The following CDH18 variants were observed in gnomAD, a reference collection of about 807,000 sequenced individuals.
CDH18 encodes cadherin 18, also known as cadherin-18.
CDH18 carries 31 observed loss-of-function variants against 67.9 expected under a neutral mutation model. The observed-to-expected ratio is 0.46, with a 90% CI of 0.34 to 0.62. The LOEUF is 0.62. Among genes scored for constraint, CDH18 ranks in the 20% least tolerant of loss-of-function variants. The pLI, the probability that CDH18 is intolerant of heterozygous loss-of-function variation, is 0.01. For synonymous variants in CDH18, 362 were observed against 347.2 expected (o/e 1.04, Z -0.48); for missense variants, 890 against 975.5 (o/e 0.91, Z 1.17).
chr5:19,902,006 A>AT (rs1354625619), intron 2 of CDH18, among the ~76,000 whole-genome samples: 1 of 152,066 alleles, frequency 6.6e-6, no homozygotes, highest in African/African-American at 2.4e-5. Context: ...TAACTCTACC[A>AT]TTTTTTCTTG....
At chr5:19,832,250 C>G (rs916088161) in intron 3 of CDH18, among the ~76,000 whole-genome samples, 3 of 151,870 alleles carry the variant, frequency 2.0e-5, no homozygotes, top group Non-Finnish European at 2.9e-5. Flanking sequence ...CCCTTTGAAT[C>G]TAAAATAAAG....
intron 4 of CDH18, among the ~76,000 whole-genome samples, chr5:19,722,294 T>A (rs1339142499): frequency 6.6e-6 from 1 of 151,880 alleles, no homozygotes; most frequent in Non-Finnish European, 1.5e-5. Context: ...TCTCTGGTGA[T>A]CCGCCCCGCT....
intron 2 of CDH18, among the ~76,000 whole-genome samples, chr5:20,146,617 TA>T (rs11327817): frequency 0.85 from 123,391 of 145,744 alleles, 53,402 homozygotes; most frequent in Non-Finnish European, 0.94. Context: ...ACTAATTTTG[TA>T]AAAAAAAAAA....
At chr5:20,345,730 CATACTT>C (rs1362578680) in intron 1 of CDH18, among the ~76,000 whole-genome samples, 9 of 152,202 alleles carry the variant, frequency 5.9e-5, no homozygotes, top group African/African-American at 2.2e-4. Context: ...AAATCCACCT[CATACTT>C]ATACAAGTTG....
chr5:19,794,916 T>G lies in CDH18; in HGVS notation c.228+43843A>C, dbSNP rs562921674. 7.2e-5 allele frequency among the ~76,000 whole-genome samples: 11 copies of G among 152,162 alleles called. No homozygotes were observed. The South Asian group carries it at 2.3e-3, about 32-fold the overall frequency. The stretch of plus-strand genomic sequence containing the variant: ...AAATGTAAGTGATTTCTGAAAGGTA[T>G]GAAAAAGGCATGCTTGTTTGCAGCC... On this transcript the variant is annotated intron_variant, in intron 3 of 12. Coordinates refer to ENST00000382275, the MANE Select transcript of CDH18 (RefSeq NM_004934.5).
intron 2 of CDH18, among the ~76,000 whole-genome samples, chr5:19,907,214 T>A (rs1207852977): frequency 6.6e-6 from 1 of 151,956 alleles, no homozygotes; most frequent in Non-Finnish European, 1.5e-5. Flanking sequence ...ATGCTGTCTA[T>A]CAAACCCGTG....
At chr5:20,175,513 A>C (rs1737163837) in intron 2 of CDH18, among the ~76,000 whole-genome samples, 3 of 151,976 alleles carry the variant, frequency 2.0e-5, no homozygotes, top group Non-Finnish European at 4.4e-5. Flanking sequence ...GGTTTGCCAA[A>C]GTTTGAAGAT....
intron 5 of CDH18, among the ~76,000 whole-genome samples, chr5:19,688,916 C>T (rs1428885998): frequency 6.6e-6 from 1 of 151,824 alleles, no homozygotes; most frequent in Admixed American, 6.6e-5. Context: ...TTAAGAGCTT[C>T]AACAATAGAC....
chr5:20,165,973 TTAAA>T (rs1736250714), intron 2 of CDH18, among the ~76,000 whole-genome samples: 2 of 152,288 alleles, frequency 1.3e-5, no homozygotes. Flanking sequence ...TAAATAGCTG[TTAAA>T]TAAGCCACAT....
At chr5:19,631,917 A>T (rs1403764229) in intron 5 of CDH18, among the ~76,000 whole-genome samples, 1 of 151,952 alleles carries the variant, frequency 6.6e-6, no homozygotes, top group African/African-American at 2.4e-5. Flanking sequence ...TTCATAAATG[A>T]TTTATTTCGG....
At position 19,591,231 on chromosome 5, in the gene CDH18, T is replaced by G; in HGVS notation, c.825A>C (p.Leu275=). 1 of 1,600,790 alleles carries G rather than the reference T, an allele frequency of 6.2e-7. No individual in the cohort carries two copies. Among genetic ancestry groups the G allele is most frequent in the Non-Finnish European group, 8.5e-7 (1 of 1,174,302 alleles). The change falls in exon 7 of 13, where the codon CTA becomes CTC. Residue 275 remains leucine, a synonymous_variant. Coordinates refer to ENST00000382275, the MANE Select transcript of CDH18 (RefSeq NM_004934.5). ...PPRFPQKHYQ[L]YVPESAQVGS... ...CAACTTGAGCTGACTCAGGAACATATAGCTGATAGTGTTCTGGAAGACATT... is the reference window on the plus strand; with the variant it reads ...CAACTTGAGCTGACTCAGGAACATAGAGCTGATAGTGTTCTGGAAGACATT...
At chr5:19,989,552 T>C (rs1197374266), upstream of CDH18, among the ~76,000 whole-genome samples, 1 of 152,214 alleles carries the variant, frequency 6.6e-6, no homozygotes, top group Non-Finnish European at 1.5e-5. Context: ...TTAAAAAATC[T>C]GTATCCTTGT....
In CDH18 at chr5:19,778,226, C is replaced by A. The variant is rs560035720; in HGVS notation, c.229-30990G>T. Among the ~76,000 whole-genome samples the A allele has an allele frequency of 2.0e-5, 3 of 152,286 alleles. No individual in the cohort carries two copies. The East Asian group carries it at 5.8e-4, about 30-fold the overall frequency. ...AAAAAGGGCATCTATGAAAAAACTA[C>A]ATTGAACCTACATGATTAAATATGG... is the stretch of plus-strand genomic sequence containing the variant. On this transcript the variant is annotated intron_variant, in intron 3 of 12. Transcript: ENST00000382275.
At chr5:19,953,332 T>C (rs1157469047) in intron 2 of CDH18, among the ~76,000 whole-genome samples, 1 of 152,088 alleles carries the variant, frequency 6.6e-6, no homozygotes, top group South Asian at 2.1e-4. Context: ...AGTACTTACA[T>C]AGAGGAAGAT....
At chr5:20,431,504 A>AAAAAAAAAAAAAAAAAAGAAG (rs536468948) in intron 1 of CDH18, among the ~76,000 whole-genome samples, 4 of 138,742 alleles carry the variant, frequency 2.9e-5, no homozygotes, top group Non-Finnish European at 4.6e-5. Flanking sequence ...AAAAAAAAAA[A>AAAAAAAAAAAAAAAAAAGAAG]AAGAAGAAGA....
chr5:20,509,111 GCTCT>G (rs377233579), intron 1 of CDH18, among the ~76,000 whole-genome samples: 1 of 152,034 alleles, frequency 6.6e-6, no homozygotes, highest in Non-Finnish European at 1.5e-5. Flanking sequence ...CTTAAAATCT[GCTCT>G]CTTTTTAATT....
At chr5:20,260,377 G>A (rs916590896) in intron 1 of CDH18, among the ~76,000 whole-genome samples, 1 of 152,006 alleles carries the variant, frequency 6.6e-6, no homozygotes, top group African/African-American at 2.4e-5. Flanking sequence ...TCACAGTAGA[G>A]AATTGTGCTC....
chr5:20,498,869 A>G (rs6885599), intron 1 of CDH18, among the ~76,000 whole-genome samples: 6,780 of 152,200 alleles, frequency 0.045, 479 homozygotes, highest in African/African-American at 0.15. Context: ...TAAATTCTAC[A>G]TTTCATATTT....
intron 2 of CDH18, among the ~76,000 whole-genome samples, chr5:20,170,722 G>T (rs890983928): frequency 6.6e-6 from 1 of 151,918 alleles, no homozygotes; most frequent in Non-Finnish European, 1.5e-5. Flanking sequence ...TTTCATTTTA[G>T]GTTCAGGGGT....
Sources: allele counts gnomAD v4.1 joint callset (sites outside exome capture counted in the v4.1 genomes callset), GRCh38; gene constraint gnomAD v4.1.1; transcripts MANE v1.5; gene names NCBI Gene and HGNC (gene_info 2026-07-23, HGNC 2026-07-21).